Variants in KLHL1 observed in about 807,000 individuals in gnomAD.
KLHL1 encodes the protein kelch like family member 1.
A neutral mutation model predicts 77.7 loss-of-function variants in KLHL1; 47 were observed. The ratio of observed to expected loss-of-function variants is 0.60; its 90% confidence interval spans 0.48 to 0.77. KLHL1 has a LOEUF of 0.77. Ranked by LOEUF, KLHL1 falls within the 30% of genes least tolerant of loss-of-function variation. KLHL1 has a pLI of 0.00. For synonymous variants in KLHL1, 360 were observed against 325.2 expected (o/e 1.11, Z -1.15); for missense variants, 925 against 910.8 (o/e 1.02, Z -0.20).
intron 3 of KLHL1, among the ~76,000 whole-genome samples, chr13:69,942,233 TGGC>T (rs1180939537): frequency 1.3e-5 from 2 of 152,048 alleles, no homozygotes; most frequent in African/African-American, 4.8e-5. Flanking sequence ...TAATAATCAA[TGGC>T]AGCCTTTAGT....
chr13:69,879,835 T>G (rs1343582760), intron 5 of KLHL1, among the ~76,000 whole-genome samples: 1 of 151,916 alleles, frequency 6.6e-6, no homozygotes, highest in Non-Finnish European at 1.5e-5. Flanking sequence ...AAGATGGCAA[T>G]CACGCTGATT....
At chr13:70,036,835 CTTTTTTTTTT>C (rs5804467) in intron 1 of KLHL1, among the ~76,000 whole-genome samples, 1 of 50,696 alleles carries the variant, frequency 2.0e-5, no homozygotes. Context: ...ATGCCATGGT[CTTTTTTTTTT>C]TTTTTTTTTT....
chr13:70,084,600 A>G (rs762524109), intron 1 of KLHL1, among the ~76,000 whole-genome samples: 11 of 121,322 alleles, frequency 9.1e-5, no homozygotes, highest in Non-Finnish European at 1.3e-4. Flanking sequence ...CTGGGACTAC[A>G]GGCACCTGCC....
rs553267729 is a variant in KLHL1, at chr13:70,060,660, G to A, written c.497+46543C>T. On this transcript the variant is annotated intron_variant, in intron 1 of 10. Coordinates refer to ENST00000377844, the MANE Select transcript of KLHL1 (RefSeq NM_020866.3). ...GGAGTTCAAGACCAGCCTGGCCAAC[G>A]TGGTGAAACCCCCGTCTTGACCACA... Among the ~76,000 whole-genome samples the A allele has an allele frequency of 7.9e-5, 12 of 152,038 alleles. No individual in the cohort carries two copies. The South Asian group carries it at 1.2e-3, about 16-fold the overall frequency.
At chr13:69,909,753 T>C (rs916399747) in intron 4 of KLHL1, among the ~76,000 whole-genome samples, 1 of 152,106 alleles carries the variant, frequency 6.6e-6, no homozygotes, top group Non-Finnish European at 1.5e-5. Flanking sequence ...TCTGAATTTA[T>C]TAAAGATAAA....
intron 1 of KLHL1, among the ~76,000 whole-genome samples, chr13:69,990,914 C>T (rs1318845060): frequency 1.3e-5 from 2 of 151,894 alleles, no homozygotes; most frequent in Middle Eastern, 3.4e-3. Flanking sequence ...CATAAAACAA[C>T]CCTGAATAAA....
chr13:69,816,737 C>G (rs1024129277), intron 6 of KLHL1, among the ~76,000 whole-genome samples: 2 of 152,076 alleles, frequency 1.3e-5, no homozygotes, highest in South Asian at 4.1e-4. Context: ...ATTATTTCTA[C>G]CATTATTAGT....
intron 1 of KLHL1, among the ~76,000 whole-genome samples, chr13:70,004,251 G>A (rs1885357507): frequency 6.6e-6 from 1 of 151,740 alleles, no homozygotes. Flanking sequence ...CAACTACTGT[G>A]TTACATTAGA....
Position 69,767,270 on chromosome 13 carries a change from C to T in KLHL1, c.1640-26714G>A, listed in dbSNP as rs112367560. ...GTAAAAATTCAAAAAAAATTAAAAA[C>T]ATGTACATAAATTTTGAGTAACAGA... On this transcript the variant is annotated intron_variant, in intron 7 of 10. Transcript: ENST00000377844. Among the ~76,000 whole-genome samples the T allele has an allele frequency of 1.2e-3, 186 of 152,144 alleles. 2 individuals carry two copies. The highest frequency in any genetic ancestry group is 4.4e-3 in the African/African-American group (181 of 41,500).
intron 1 of KLHL1, among the ~76,000 whole-genome samples, chr13:70,088,079 TAAAAC>T (rs1001397966): frequency 1.9e-4 from 29 of 152,102 alleles, no homozygotes; most frequent in African/African-American, 7.0e-4. Flanking sequence ...GAACTTAAAA[TAAAAC>T]AAAAGTAGGT....
chr13:70,095,918 T>C (rs905479789), intron 1 of KLHL1, among the ~76,000 whole-genome samples: 1 of 152,016 alleles, frequency 6.6e-6, no homozygotes, highest in Admixed American at 6.6e-5. Flanking sequence ...TTTTTTTAGT[T>C]CCCAGATATG....
intron 4 of KLHL1, among the ~76,000 whole-genome samples, chr13:69,916,904 C>T (rs1362008179): frequency 6.6e-6 from 1 of 151,112 alleles, no homozygotes; most frequent in Non-Finnish European, 1.5e-5. Flanking sequence ...TTTTAGAAGC[C>T]ATATACACAA....
intron 7 of KLHL1, among the ~76,000 whole-genome samples, chr13:69,781,490 C>G (rs7988210): frequency 0.014 from 2,178 of 152,096 alleles, 56 homozygotes; most frequent in African/African-American, 0.05. Flanking sequence ...TATTTTCTAG[C>G]ACCTAGGATT....
intron 7 of KLHL1, among the ~76,000 whole-genome samples, chr13:69,788,123 A>G (rs1467603827): frequency 6.6e-6 from 1 of 152,250 alleles, no homozygotes; most frequent in African/African-American, 2.4e-5. Flanking sequence ...GGGATCTAGA[A>G]CTAGAAATAC....
intron 6 of KLHL1, among the ~76,000 whole-genome samples, chr13:69,797,959 TG>T (rs1469464332): frequency 6.6e-6 from 1 of 152,214 alleles, no homozygotes; most frequent in Non-Finnish European, 1.5e-5. Context: ...CATATAAGTT[TG>T]AGAAATGCAA....
intron 1 of KLHL1, among the ~76,000 whole-genome samples, chr13:70,043,189 C>T (rs949641346): frequency 1.3e-5 from 2 of 151,812 alleles, no homozygotes; most frequent in African/African-American, 4.8e-5. Context: ...CAGACATGAG[C>T]CACTGCAACC....
At chr13:69,902,608 G>T (rs918460816) in intron 4 of KLHL1, among the ~76,000 whole-genome samples, 1 of 152,090 alleles carries the variant, frequency 6.6e-6, no homozygotes, top group South Asian at 2.1e-4. Flanking sequence ...CCTTTGTAGG[G>T]ACATGGATGA....
At chr13:69,821,526 G>A (rs1436601636) in intron 6 of KLHL1, among the ~76,000 whole-genome samples, 1 of 151,990 alleles carries the variant, frequency 6.6e-6, no homozygotes. Context: ...TGTTGGCCAG[G>A]CTGGTCTCGA....
At chr13:69,787,435 G>A (rs1350801992) in intron 7 of KLHL1, among the ~76,000 whole-genome samples, 3 of 152,202 alleles carry the variant, frequency 2.0e-5, no homozygotes, top group Admixed American at 2.0e-4. Context: ...AATAAAAGGT[G>A]CTGGGGAAAC....
Sources: allele counts gnomAD v4.1 joint callset (sites outside exome capture counted in the v4.1 genomes callset), GRCh38; gene constraint gnomAD v4.1.1; transcripts MANE v1.5; gene names NCBI Gene and HGNC (gene_info 2026-07-23, HGNC 2026-07-21).